The following GFM2 variants were observed in gnomAD, a reference collection of about 807,000 sequenced individuals.
GFM2 encodes the protein ribosome-releasing factor 2, mitochondrial.
Under a neutral mutation model 95.4 loss-of-function variants are expected in GFM2, and 72 were observed. The ratio of observed to expected loss-of-function variants is 0.76; its 90% CI spans 0.62 to 0.92. The LOEUF is 0.92. Ranked by LOEUF, GFM2 falls within the 40% of genes least tolerant of loss-of-function variation. GFM2 has a pLI of 0.00. For missense variants in GFM2, 825 were observed against 924.1 expected (o/e 0.89, Z 1.39); for synonymous variants, 276 against 317.5 (o/e 0.87, Z 1.39).
At chr5:74,754,033 A>G (rs1443222682) in intron 5 of GFM2, among the ~76,000 whole-genome samples, 1 of 152,194 alleles carries the variant, frequency 6.6e-6, no homozygotes, top group Non-Finnish European at 1.5e-5. Context: ...AAACCCTACC[A>G]GCTAGTAGGA....
In GFM2 at chr5:74,745,817, T is replaced by A; in HGVS notation, c.710A>T (p.Asp237Val). Residue 237 changes from aspartate to valine, a missense_variant, in exon 10 of 21, where the codon GAT (aspartate) becomes GTT (valine). Physicochemically the swap from Asp to Val is radical, Grantham distance 152 (BLOSUM62 -3). Transcript: ENST00000296805. Reference sequence around the variant, plus strand: ...AAGAAGTTTTTCTTTCATTACTACATCCACCACTCCTTTGAAAGTTTTGGC... The same window carrying A: ...AAGAAGTTTTTCTTTCATTACTACAACCACCACTCCTTTGAAAGTTTTGGC... ...GEAKTFKGVV[D>V]VVMKEKLLWN... 6.2e-7 allele frequency: 1 copy of A among 1,612,714 alleles called. No individual in the cohort carries two copies. Among genetic ancestry groups the A allele is most frequent in the Non-Finnish European group, 8.5e-7 (1 of 1,179,812 alleles).
intron 10 of GFM2, 76 bp from the exon 11 acceptor site, chr5:74,741,685 C>T: frequency 1.4e-6 from 1 of 712,006 alleles, no homozygotes; most frequent in Non-Finnish European, 2.4e-6. Flanking sequence ...ACACCATAAA[C>T]AGACAATATT....
rs774464063 is a variant in GFM2 at position 74,740,028 on chromosome 5, A to G, written c.1040T>C (p.Met347Thr). ...ACGCTCTTCAGGTGAAGGTAAGTAC[A>G]TAGTAACAGCATCTAACAAGGGCTG... ...GIQPLLDAVT[M>T]YLPSPEERNY... Residue 347 changes from methionine to threonine, a missense_variant, in exon 12 of 21, where the codon ATG (methionine) becomes ACG (threonine). Met to Thr is a moderately conservative substitution (Grantham distance 81). Transcript: ENST00000296805. 5.5e-5 allele frequency: 88 copies of G among 1,597,768 alleles called. 1 individual carries two copies. The highest frequency in any genetic ancestry group is 3.5e-4 in the Admixed American group (20 of 56,650).
rs1333280866 is a variant in GFM2 at position 74,721,552 on chromosome 5, GA to G, written c.*102del. On this transcript the variant is annotated 3_prime_UTR_variant, in exon 21 of 21. Coordinates refer to ENST00000296805, the MANE Select transcript of GFM2 (RefSeq NM_032380.5). The stretch of plus-strand genomic sequence containing the variant: ...TTTTATCTAGTTCTCTGAATGTACT[GA>G]AACAGTACTTTATTCGTCCAATAAA... 1.6e-6 allele frequency: 2 copies of G among 1,252,320 alleles called. No homozygotes were observed. The highest frequency in any genetic ancestry group is 2.3e-6 in the Non-Finnish European group (2 of 871,480). 77.6% of individuals were successfully genotyped at this position (1,252,320 alleles called of 1,614,324 possible).
At chr5:74,755,335 G>C (rs1316445424) in intron 5 of GFM2, among the ~76,000 whole-genome samples, 1 of 151,968 alleles carries the variant, frequency 6.6e-6, no homozygotes, top group Non-Finnish European at 1.5e-5. Context: ...ACTCCAAAAG[G>C]AACCCTCAAA....
intron 3 of GFM2, 30 bp downstream of exon 3, chr5:74,760,872 G>C (rs1475722550): frequency 1.3e-5 from 17 of 1,351,768 alleles, no homozygotes; most frequent in Non-Finnish European, 1.7e-5. Flanking sequence ...AAACAGCTTA[G>C]ATAAAATTAG....
chr5:74,728,665 G>A (rs1750261099), intron 17 of GFM2, among the ~76,000 whole-genome samples: 1 of 148,672 alleles, frequency 6.7e-6, no homozygotes, highest in Admixed American at 6.7e-5. Flanking sequence ...TGTTTCTATT[G>A]CCTTTTTGCT....
chr5:74,734,059 C>G (rs999623498), intron 15 of GFM2, among the ~76,000 whole-genome samples: 10 of 152,024 alleles, frequency 6.6e-5, no homozygotes, highest in Admixed American at 3.9e-4. Context: ...AATGAGCTAA[C>G]CTTATCAGTC....
intron 5 of GFM2, among the ~76,000 whole-genome samples, chr5:74,755,691 AACAG>A (rs1204926039): frequency 3.9e-5 from 6 of 152,206 alleles, no homozygotes; most frequent in African/African-American, 1.2e-4. Flanking sequence ...ACAGAAACTG[AACAG>A]ACAAATAACA....
intron 7 of GFM2, among the ~76,000 whole-genome samples, chr5:74,749,603 G>T (rs571993643): frequency 6.6e-6 from 1 of 152,108 alleles, no homozygotes; most frequent in African/African-American, 2.4e-5. Flanking sequence ...ACAAATCCAT[G>T]GTTATAGATA....
At chr5:74,743,952 G>A (rs1743238828) in intron 10 of GFM2, among the ~76,000 whole-genome samples, 1 of 152,178 alleles carries the variant, frequency 6.6e-6, no homozygotes, top group South Asian at 2.1e-4. Context: ...CTAGCACACA[G>A]TAGGCCCTCA....
At position 74,751,513 on chromosome 5, in the gene GFM2, T is replaced by C. The variant is rs750930629; in HGVS notation, c.305-20A>G. 6 of 1,591,838 alleles carry C rather than the reference T, an allele frequency of 3.8e-6. No individual in the cohort carries two copies. The highest frequency in any genetic ancestry group is 2.7e-5 in the African/African-American group (2 of 74,578). ...CAACATCTAGCCAGGAAAAAGATGA[T>C]ACAGTTTAGTCTTAATAGCAAGTGT... On this transcript the variant is annotated intron_variant, in intron 5 of 20. Coordinates refer to ENST00000296805, the MANE Select transcript of GFM2 (RefSeq NM_032380.5).
intron 10 of GFM2, among the ~76,000 whole-genome samples, chr5:74,744,740 G>C (rs1323650742): frequency 6.6e-6 from 1 of 152,088 alleles, no homozygotes; most frequent in Non-Finnish European, 1.5e-5. Flanking sequence ...TAATCCTAAA[G>C]AAACTATTGC....
chr5:74,721,786 A>T lies in GFM2; in HGVS notation c.2212-3T>A. 6.2e-7 allele frequency: 1 copy of T among 1,600,432 alleles called. No individual in the cohort carries two copies. The highest frequency in any genetic ancestry group is 1.1e-5 in the South Asian group (1 of 87,604). On this transcript the variant is annotated splice_region_variant and splice_polypyrimidine_tract_variant and intron_variant, in intron 20 of 20. Transcript: ENST00000296805. ...GTTCGAAGCACAGTTGAATAACCCT[A>T]ATCAAAATAATTTAAGTCATTTATA... is the stretch of plus-strand genomic sequence containing the variant.
intron 5 of GFM2, 110 bp downstream of exon 5, chr5:74,758,739 C>CAGT: frequency 1.5e-6 from 1 of 670,344 alleles, no homozygotes; most frequent in East Asian, 2.6e-5. Context: ...GATTAGACAT[C>CAGT]AGTAGCTCTA....
At chr5:74,732,907 GAC>G (rs1742641175) in intron 16 of GFM2, 113 bp downstream of exon 16, 6 of 537,394 alleles carry the variant, frequency 1.1e-5, no homozygotes, top group Middle Eastern at 3.3e-4. Context: ...TTTCTTTCAG[GAC>G]ACAGACTTAA....
intron 7 of GFM2, among the ~76,000 whole-genome samples, chr5:74,749,164 CCA>C (rs1743566231): frequency 6.6e-6 from 1 of 151,594 alleles, no homozygotes; most frequent in African/African-American, 2.4e-5. Flanking sequence ...CAAGTGCACG[CCA>C]CCACACCCAG....
Position 74,721,418 on chromosome 5 carries a change from GATGAACAGCA to G in GFM2, c.*227_*236del, listed in dbSNP as rs1749873711. The G allele has an allele frequency of 5.6e-6, 4 of 712,624 alleles. No homozygotes were observed. The East Asian group carries it at 1.1e-4, about 19-fold the overall frequency. The allele number at this position is 712,624 out of a possible 1,614,324, so 44.1% of individuals were successfully genotyped here. ...GGCTACTTATAGTAATAACTTCATAGATGAACAGCATGATTCAGGTACAGTGGCTTTAAAC... is the reference window on the plus strand; with the variant it reads ...GGCTACTTATAGTAATAACTTCATAGTGATTCAGGTACAGTGGCTTTAAAC... On this transcript the variant is annotated 3_prime_UTR_variant, in exon 21 of 21. Coordinates refer to ENST00000296805, the MANE Select transcript of GFM2 (RefSeq NM_032380.5).
intron 7 of GFM2, among the ~76,000 whole-genome samples, chr5:74,748,258 G>A (rs1743490782): frequency 1.3e-5 from 2 of 152,158 alleles, no homozygotes; most frequent in Admixed American, 6.5e-5. Context: ...CTATAAAGCA[G>A]CCAGTTTATT....
Sources: gnomAD v4.1 joint callset for allele counts (sites outside exome capture counted in the v4.1 genomes callset) on GRCh38, gnomAD v4.1.1 for gene constraint, MANE v1.5 for transcripts, NCBI Gene and HGNC (gene_info 2026-07-23, HGNC 2026-07-21) for gene names.